DIP2B: variants seen among roughly 807,000 people sequenced by gnomAD.
DIP2B encodes the protein disco-interacting protein 2 homolog B.
DIP2B carries 76 observed loss-of-function variants against 198.0 expected under a neutral mutation model. That is an observed-to-expected ratio of 0.38 (90% confidence interval 0.32 to 0.46). The LOEUF is 0.46. Ranked by LOEUF, DIP2B falls within the 20% of genes least tolerant of loss-of-function variation. DIP2B has a pLI of 0.99. For synonymous variants in DIP2B, 701 were observed against 739.1 expected, an observed-to-expected ratio of 0.95 and a Z score of 0.84; for missense variants, 1,559 against 1,978.4, an observed-to-expected ratio of 0.79 and a Z score of 4.02.
At chr12:50,713,893 A>AC (rs796416539) in intron 22 of DIP2B, among the ~76,000 whole-genome samples, 8 of 152,206 alleles carry the variant, frequency 5.3e-5, no homozygotes, top group East Asian at 3.9e-4. Context: ...GCACAGTGAG[A>AC]CCCCATCTCT....
intron 33 of DIP2B, 75 bp downstream of exon 33, chr12:50,734,271 T>C: frequency 6.8e-7 from 1 of 1,463,084 alleles, no homozygotes; most frequent in Non-Finnish European, 9.5e-7. Context: ...AAGCCAGCAT[T>C]TTCCCTCATT....
intron 1 of DIP2B, among the ~76,000 whole-genome samples, chr12:50,571,788 G>A (rs1309348479): frequency 6.6e-6 from 1 of 151,376 alleles, no homozygotes; most frequent in Non-Finnish European, 1.5e-5. Context: ...TCGATCTCTT[G>A]ACCTCGTGAT....
At chr12:50,691,325 G>GGAACCAAAATTCTGGGC (rs1203251013) in intron 13 of DIP2B, among the ~76,000 whole-genome samples, 174 bp downstream of exon 13, 106 of 152,120 alleles carry the variant, frequency 7.0e-4, no homozygotes, top group African/African-American at 2.5e-3. Context: ...GTAGTTTAAA[G>GGAACCAAAATTCTGGGC]GAACCAAAAT....
At chr12:50,516,375 C>T (rs1349362397) in intron 1 of DIP2B, among the ~76,000 whole-genome samples, 1 of 152,142 alleles carries the variant, frequency 6.6e-6, no homozygotes, top group East Asian at 1.9e-4. Context: ...CCACCTCAGC[C>T]TCCCAAGTAG....
chr12:50,618,287 G>A (rs115086883), intron 1 of DIP2B, among the ~76,000 whole-genome samples: 387 of 152,290 alleles, frequency 2.5e-3, no homozygotes, highest in African/African-American at 8.6e-3. Context: ...AACCCTCAAC[G>A]TCAAGTGTCT....
intron 5 of DIP2B, among the ~76,000 whole-genome samples, chr12:50,674,270 T>C (rs1245246510): frequency 6.6e-6 from 1 of 152,170 alleles, no homozygotes; most frequent in Non-Finnish European, 1.5e-5. Flanking sequence ...AAATAATAAT[T>C]TTGGAAAGCT....
Position 50,671,317 on chromosome 12 carries a change from TC to T in DIP2B, c.561del (p.Ala188HisfsTer17). The part of the protein sequence containing the change: ...RSIQGSSTSS[S>X]ASSTLSHGEV... ...AATTCAGGGATCGTCCACTTCTTCA[TC>T]CGCATCTTCTACGCTGTCCCACGGA... is the stretch of plus-strand genomic sequence containing the variant. On this transcript the variant is annotated frameshift_variant, in exon 5 of 38. Coordinates refer to ENST00000301180, the MANE Select transcript of DIP2B (RefSeq NM_173602.3). LOFTEE classifies it high-confidence loss of function. 6.2e-7 allele frequency: 1 copy of T among 1,614,180 alleles called. No homozygotes were observed.
chr12:50,537,026 T>C (rs1958274060), intron 1 of DIP2B, among the ~76,000 whole-genome samples: 4 of 150,778 alleles, frequency 2.7e-5, no homozygotes, highest in Non-Finnish European at 5.9e-5. Flanking sequence ...ATCTCCTTTC[T>C]CCCCTACCCC....
intron 13 of DIP2B, 27 bp from the exon 14 acceptor site, chr12:50,692,922 T>A: frequency 1.3e-6 from 2 of 1,596,552 alleles, no homozygotes; most frequent in Non-Finnish European, 1.7e-6. Flanking sequence ...AGATGATTTC[T>A]TTGTCTTCCT....
intron 22 of DIP2B, among the ~76,000 whole-genome samples, chr12:50,710,676 C>T (rs1474084816): frequency 7.2e-5 from 11 of 152,152 alleles, no homozygotes; most frequent in African/African-American, 2.4e-4. Context: ...CCACCCACCT[C>T]GGCCTCCCAG....
In DIP2B at chr12:50,728,683, G is replaced by T; in HGVS notation, c.3641+5G>T. The T allele has an allele frequency of 6.2e-7, 1 of 1,613,418 alleles. No homozygotes were observed. The highest frequency in any genetic ancestry group is 8.5e-7 in the Non-Finnish European group (1 of 1,179,786). Reference sequence around the variant, plus strand: ...CGCGCTCTGGTGTCTCTGCAGGTAGGGATGGAAAAGCCAAGGAGACAGAAT... The same window carrying T: ...CGCGCTCTGGTGTCTCTGCAGGTAGTGATGGAAAAGCCAAGGAGACAGAAT... On this transcript the variant is annotated splice_donor_5th_base_variant and intron_variant, in intron 30 of 37. Coordinates refer to ENST00000301180, the MANE Select transcript of DIP2B (RefSeq NM_173602.3).
At chr12:50,507,914 C>T (rs931860152) in intron 1 of DIP2B, among the ~76,000 whole-genome samples, 3 of 148,684 alleles carry the variant, frequency 2.0e-5, no homozygotes, top group African/African-American at 4.9e-5. Context: ...TTCTTTCTCT[C>T]TTTTTTTTTT....
In DIP2B at chr12:50,744,804, C is replaced by T; in HGVS notation, c.4696C>T (p.Gln1566Ter). The T allele has an allele frequency of 6.2e-7, 1 of 1,614,154 alleles. No homozygotes were observed. The highest frequency in any genetic ancestry group is 8.5e-7 in the Non-Finnish European group (1 of 1,180,032). Residue 1566 changes from glutamine (Q) to a stop codon, truncating the protein, a stop_gained, in exon 38 of 38, where the codon CAG (glutamine) becomes TAG (stop). Coordinates refer to ENST00000301180, the MANE Select transcript of DIP2B (RefSeq NM_173602.3). LOFTEE classifies it high-confidence loss of function. The stretch of plus-strand genomic sequence containing the variant: ...CCTCCGTGATAGCTTCCTAGCTGAC[C>T]AGTTAGACCCCATCTACGTGGCTTA... ...MHLRDSFLAD[Q>*]LDPIYVAYNM
intron 11 of DIP2B, 74 bp from the exon 12 acceptor site, chr12:50,686,499 A>C (rs1023191445): frequency 1.5e-6 from 2 of 1,297,890 alleles, no homozygotes; most frequent in Admixed American, 4.3e-5. Flanking sequence ...CTTGATATTT[A>C]AAATGACCAG....
chr12:50,576,713 C>T (rs558633479), intron 1 of DIP2B, among the ~76,000 whole-genome samples: 2 of 151,538 alleles, frequency 1.3e-5, no homozygotes, highest in East Asian at 3.9e-4. Context: ...GATCTCTTGA[C>T]CTCATGATCT....
intron 35 of DIP2B, among the ~76,000 whole-genome samples, chr12:50,739,122 G>A (rs1940190715): frequency 6.6e-6 from 1 of 152,192 alleles, no homozygotes; most frequent in African/African-American, 2.4e-5. Flanking sequence ...GGGCATGGGT[G>A]CGAGTCTCCT....
At chr12:50,569,880 C>T (rs961208336) in intron 1 of DIP2B, among the ~76,000 whole-genome samples, 1 of 152,122 alleles carries the variant, frequency 6.6e-6, no homozygotes, top group African/African-American at 2.4e-5. Context: ...TAGTTTTAAT[C>T]ATTTTTATAT....
intron 1 of DIP2B, among the ~76,000 whole-genome samples, chr12:50,550,991 A>G (rs1002751291): frequency 5.9e-5 from 9 of 151,766 alleles, no homozygotes. Context: ...TGAGAGGCTG[A>G]GGTGGAAGAA....
intron 1 of DIP2B, among the ~76,000 whole-genome samples, chr12:50,559,434 T>C (rs565781996): frequency 5.3e-5 from 8 of 151,602 alleles, no homozygotes; most frequent in African/African-American, 1.9e-4. Context: ...TAACCAACAA[T>C]TGGTCCTTAA....
Sources: gnomAD v4.1 joint callset for allele counts (sites outside exome capture counted in the v4.1 genomes callset) on GRCh38, gnomAD v4.1.1 for gene constraint, MANE v1.5 for transcripts, NCBI Gene and HGNC (gene_info 2026-07-23, HGNC 2026-07-21) for gene names.